The following KMT2E variants were observed in gnomAD, a reference collection of about 807,000 sequenced individuals.
KMT2E encodes lysine methyltransferase 2E (inactive).
A neutral mutation model predicts 184.6 loss-of-function variants in KMT2E; 30 were observed. The ratio of observed to expected loss-of-function variants is 0.16; its 90% confidence interval spans 0.12 to 0.22. The LOEUF is 0.22. Among genes scored for constraint, KMT2E ranks in the 10% least tolerant of loss-of-function variants. KMT2E has a pLI of 1.00. For missense variants in KMT2E, 2,023 were observed against 2,237.4 expected (o/e 0.90, Z 1.93); for synonymous variants, 815 against 776.5 (o/e 1.05, Z -0.82).
chr7:105,095,562 T>C (rs1043651063), intron 15 of KMT2E, among the ~76,000 whole-genome samples: 2 of 152,240 alleles, frequency 1.3e-5, no homozygotes, highest in Non-Finnish European at 2.9e-5. Context: ...CCAGTTCCAT[T>C]ACCTCTACCC....
At chr7:105,053,750 ATGACTGTAATC>A (rs1206823754) in intron 3 of KMT2E, among the ~76,000 whole-genome samples, 1 of 152,186 alleles carries the variant, frequency 6.6e-6, no homozygotes, top group Non-Finnish European at 1.5e-5. Flanking sequence ...ATAGTGGCTC[ATGACTGTAATC>A]TACTCAGGAG....
In KMT2E at chr7:105,102,046, A is replaced by G. The variant is rs757444256; in HGVS notation, c.2048A>G (p.Asp683Gly). 1.4e-5 allele frequency: 22 copies of G among 1,613,842 alleles called. No homozygotes were observed. Among genetic ancestry groups the G allele is most frequent in the Non-Finnish European group, 1.7e-5 (20 of 1,179,872 alleles). The change falls in exon 17 of 27, where the codon GAT becomes GGT. Residue 683 changes from aspartate to glycine, a missense_variant. Physicochemically the swap from Asp to Gly is moderately conservative, Grantham distance 94 (BLOSUM62 -1). Around this residue, in one of 8 missense-constraint regions of KMT2E, gnomAD observed 514 missense variants for 621.8 expected, o/e 0.83. Coordinates refer to ENST00000311117, the MANE Select transcript of KMT2E (RefSeq NM_182931.3). ...MCSDIQPSSP[D>G]IEVTSQQNDI... Reference sequence around the variant, plus strand: ...TCAGATATCCAGCCATCTTCTCCTGATATAGAAGTTACTTCACAACAAAAT... The same window carrying G: ...TCAGATATCCAGCCATCTTCTCCTGGTATAGAAGTTACTTCACAACAAAAT...
At chr7:105,022,005 C>T (rs915971854) in intron 1 of KMT2E, among the ~76,000 whole-genome samples, 2 of 152,070 alleles carry the variant, frequency 1.3e-5, no homozygotes, top group African/African-American at 4.8e-5. Context: ...CTTTATTATT[C>T]TCTTTATATA....
intron 1 of KMT2E, among the ~76,000 whole-genome samples, chr7:105,029,182 G>A (rs1224535367): frequency 6.6e-6 from 1 of 152,044 alleles, no homozygotes; most frequent in Non-Finnish European, 1.5e-5. Flanking sequence ...GGAATTGCTT[G>A]AACCTGGGAG....
chr7:105,107,326 TTATTTGTG>T, intron 21 of KMT2E, 28 bp from the exon 22 acceptor site: 1 of 1,526,228 alleles, frequency 6.6e-7, no homozygotes, highest in Non-Finnish European at 8.8e-7. Context: ...CAAGATGTGA[TTATTTGTG>T]TAATTTTTTT....
rs1456274363 is a variant in KMT2E at position 105,066,873 on chromosome 7, T to C, written c.497+66T>C. ...TGAGGTAATACTAGTTAACAGAAAT[T>C]CCTTTATGAATTCGAGTTAAAAAAT... On this transcript the variant is annotated intron_variant, in intron 6 of 26. Coordinates refer to ENST00000311117, the MANE Select transcript of KMT2E (RefSeq NM_182931.3). 4 of 1,149,514 alleles carry C rather than the reference T, an allele frequency of 3.5e-6. No homozygotes were observed. The African/African-American group carries it at 6.1e-5, about 17-fold the overall frequency. The allele number at this position is 1,149,514 out of a possible 1,614,324, so 71.2% of individuals were successfully genotyped here. A position where few individuals can be genotyped will look rare whatever the true frequency, so the allele number is the denominator to read the frequency against.
In KMT2E at chr7:105,112,554, C is replaced by T. The variant is rs1160962957; in HGVS notation, c.4798C>T (p.Pro1600Ser). The T allele has an allele frequency of 2.5e-6, 4 of 1,613,940 alleles. No individual in the cohort carries two copies. Among genetic ancestry groups the T allele is most frequent in the Non-Finnish European group, 3.4e-6 (4 of 1,180,020 alleles). The change falls in exon 27 of 27, where the codon CCA (proline) becomes TCA (serine). Residue 1600 changes from proline (P) to serine (S), a missense_variant. Coordinates refer to ENST00000311117, the MANE Select transcript of KMT2E (RefSeq NM_182931.3). ...TGGCACCACAAGCCAGCAAACAGTT[C>T]CAGGACACCACGTGACTCCAGGGCA... is the stretch of plus-strand genomic sequence containing the variant. Reference protein sequence around the residue: ...LPGTTSQQTVPGHHVTPGHFL... With the variant: ...LPGTTSQQTVSGHHVTPGHFL...
chr7:105,061,996 C>T (rs1388574116), intron 3 of KMT2E, 168 bp from the exon 4 acceptor site: 3 of 444,732 alleles, frequency 6.7e-6, no homozygotes, highest in East Asian at 6.7e-5. Flanking sequence ...GCTTATGACA[C>T]ATAATCTAGA....
chr7:105,063,272 G>C, intron 4 of KMT2E, 79 bp from the exon 5 acceptor site: 1 of 1,042,324 alleles, frequency 9.6e-7, no homozygotes, highest in Non-Finnish European at 1.4e-6. Flanking sequence ...ATTAAGGGTT[G>C]AATTTTATTT....
chr7:105,091,540 T>C (rs979267555), intron 15 of KMT2E: 7 of 576,036 alleles, frequency 1.2e-5, no homozygotes, highest in East Asian at 1.1e-4. Flanking sequence ...TTAAGAAATA[T>C]GAACATTTTG....
intron 15 of KMT2E, among the ~76,000 whole-genome samples, chr7:105,097,386 A>T (rs550550185): frequency 4.0e-5 from 6 of 151,854 alleles, no homozygotes; most frequent in East Asian, 1.9e-4. Flanking sequence ...CCTGTTTATT[A>T]TTTTTTTCAT....
At chr7:105,093,980 A>C (rs1349053425) in intron 15 of KMT2E, among the ~76,000 whole-genome samples, 2 of 152,154 alleles carry the variant, frequency 1.3e-5, no homozygotes, top group Non-Finnish European at 2.9e-5. Flanking sequence ...AAAATCTAAA[A>C]ATCCTTGGCT....
At chr7:105,044,793 C>G (rs1174266313) in intron 3 of KMT2E, among the ~76,000 whole-genome samples, 1 of 152,116 alleles carries the variant, frequency 6.6e-6, no homozygotes, top group Non-Finnish European at 1.5e-5. Flanking sequence ...CCACTATCAC[C>G]GATTCTAGGC....
At chr7:105,087,509 C>T (rs1020597775) in intron 13 of KMT2E, among the ~76,000 whole-genome samples, 8 of 150,892 alleles carry the variant, frequency 5.3e-5, no homozygotes. Context: ...CTGCAACCTC[C>T]GCCTCCTGTG....
At chr7:105,087,309 A>G (rs1415604491) in intron 13 of KMT2E, among the ~76,000 whole-genome samples, 3 of 137,776 alleles carry the variant, frequency 2.2e-5, no homozygotes. Flanking sequence ...ATATATAAAT[A>G]TAAATATAGC....
intron 15 of KMT2E, among the ~76,000 whole-genome samples, chr7:105,100,144 T>C (rs1197047102): frequency 6.6e-6 from 1 of 152,212 alleles, no homozygotes; most frequent in African/African-American, 2.4e-5. Context: ...CTTACCTCTT[T>C]GGACCTCAGT....
At chr7:105,052,014 T>C (rs1796371380) in intron 3 of KMT2E, among the ~76,000 whole-genome samples, 1 of 152,210 alleles carries the variant, frequency 6.6e-6, no homozygotes, top group Non-Finnish European at 1.5e-5. Context: ...CCTTCTATCA[T>C]TTATTTTCTG....
At chr7:105,064,007 C>T in intron 5 of KMT2E, 1 of 455,438 alleles carries the variant, frequency 2.2e-6, no homozygotes, top group South Asian at 1.6e-5. Flanking sequence ...CTCTCACCTC[C>T]TTTTGACTTG....
rs184201896 is a variant in KMT2E at position 105,079,296 on chromosome 7, G to A, written c.1248+333G>A. Among the ~76,000 whole-genome samples, 6 of 151,408 alleles carry A rather than the reference G, an allele frequency of 4.0e-5. No individual in the cohort carries two copies. The East Asian group carries it at 7.8e-4, about 20-fold the overall frequency. The stretch of plus-strand genomic sequence containing the variant: ...ATTACAGGCACGCACCACCATGCCC[G>A]GCTATTTTTTTGCATTTTTAGTAGG... On this transcript the variant is annotated intron_variant, in intron 12 of 26. Transcript: ENST00000311117.
Sources: gnomAD v4.1 joint callset for allele counts (sites outside exome capture counted in the v4.1 genomes callset) on GRCh38, gnomAD v4.1.1 for gene constraint, gnomAD v4.1.1 regional missense constraint, MANE v1.5 for transcripts, NCBI Gene and HGNC (gene_info 2026-07-23, HGNC 2026-07-21) for gene names.